The following KCNJ6 variants were observed in gnomAD, a reference collection of about 807,000 sequenced individuals.
The protein encoded by KCNJ6 is G protein-activated inward rectifier potassium channel 2.
A neutral mutation model predicts 34.2 loss-of-function variants in KCNJ6; 9 were observed. The observed-to-expected ratio is 0.26, with a 90% confidence interval of 0.16 to 0.46. KCNJ6 has a LOEUF of 0.46. KCNJ6 is among the 20% of genes least tolerant of loss of function. KCNJ6 has a pLI of 1.00. For synonymous variants in KCNJ6, 196 were observed against 207.1 expected (o/e 0.95, Z 0.46); for missense variants, 236 against 531.3 (o/e 0.44, Z 5.46).
intron 2 of KCNJ6, among the ~76,000 whole-genome samples, chr21:37,814,766 C>T (rs1023152716): frequency 2.6e-5 from 4 of 151,806 alleles, no homozygotes; most frequent in African/African-American, 7.3e-5. Flanking sequence ...GGCGTGGTGG[C>T]GGGCGCCTGT....
chr21:37,881,173 A>G (rs60618979), intron 1 of KCNJ6, among the ~76,000 whole-genome samples: 1,576 of 152,274 alleles, frequency 0.01, 20 homozygotes, highest in African/African-American at 0.029. Context: ...AGCCTAGCAC[A>G]AGCTGGGATG....
chr21:37,802,836 C>T (rs907257927), intron 2 of KCNJ6, among the ~76,000 whole-genome samples: 1 of 152,170 alleles, frequency 6.6e-6, no homozygotes. Context: ...TGCTTGGAAA[C>T]ACATCAGTGG....
chr21:37,756,275 C>G (rs1431552190), intron 2 of KCNJ6, among the ~76,000 whole-genome samples: 1 of 152,244 alleles, frequency 6.6e-6, no homozygotes, highest in African/African-American at 2.4e-5. Context: ...GATGACCATT[C>G]ATTCCATGTC....
Position 37,633,928 on chromosome 21 carries a change from C to CAA in KCNJ6, c.947-8446_947-8445dup, listed in dbSNP as rs56360366. 3.2e-3 allele frequency among the ~76,000 whole-genome samples: 477 copies of CAA among 149,784 alleles called. 2 individuals are homozygous for CAA. Among genetic ancestry groups the CAA allele is most frequent in the African/African-American group, 8.5e-3 (348 of 40,980 alleles). On this transcript the variant is annotated intron_variant, in intron 3 of 3. Coordinates refer to ENST00000609713, the MANE Select transcript of KCNJ6 (RefSeq NM_002240.5). ...AATCCCAACAAAACATTCTTAAAGT[C>CAA]AAAAAAAAAATGGATTTGACAAATC...
intron 3 of KCNJ6, among the ~76,000 whole-genome samples, chr21:37,705,377 T>C (rs1401082942): frequency 6.6e-6 from 1 of 152,214 alleles, no homozygotes; most frequent in African/African-American, 2.4e-5. Flanking sequence ...TCCTCATTTG[T>C]TAAATGGGAA....
At chr21:37,850,967 T>C (rs2055534516) in intron 1 of KCNJ6, among the ~76,000 whole-genome samples, 1 of 152,212 alleles carries the variant, frequency 6.6e-6, no homozygotes, top group Non-Finnish European at 1.5e-5. Context: ...AATTGATTGA[T>C]TGATTCATTC....
chr21:37,667,186 T>TAAAAAA (rs1569441641), intron 3 of KCNJ6, among the ~76,000 whole-genome samples: 59 of 86,842 alleles, frequency 6.8e-4, no homozygotes, highest in East Asian at 1.2e-3. Flanking sequence ...AAAAAAAAAT[T>TAAAAAA]AAATGAGGCA....
At chr21:37,673,321 G>T (rs955840765) in intron 3 of KCNJ6, among the ~76,000 whole-genome samples, 1 of 152,244 alleles carries the variant, frequency 6.6e-6, no homozygotes, top group African/African-American at 2.4e-5. Context: ...TTACTGGGAG[G>T]CTTCCATCTC....
intron 2 of KCNJ6, among the ~76,000 whole-genome samples, chr21:37,787,156 AG>A (rs754750647): frequency 6.6e-6 from 1 of 152,210 alleles, no homozygotes; most frequent in Non-Finnish European, 1.5e-5. Flanking sequence ...ACAAATGAGC[AG>A]GGGGTTAGAA....
intron 2 of KCNJ6, among the ~76,000 whole-genome samples, chr21:37,756,127 G>A (rs2055023436): frequency 6.6e-6 from 1 of 152,214 alleles, no homozygotes; most frequent in Non-Finnish European, 1.5e-5. Context: ...TGGCACAAGG[G>A]TTGTGTGGGA....
At chr21:37,761,644 T>C (rs2055064995) in intron 2 of KCNJ6, among the ~76,000 whole-genome samples, 2 of 151,250 alleles carry the variant, frequency 1.3e-5, no homozygotes, top group Non-Finnish European at 2.9e-5. Flanking sequence ...TTGTGTTGTG[T>C]GTGTATATTT....
In KCNJ6 at chr21:37,695,288, T is replaced by C. The variant is rs1050897672; in HGVS notation, c.946+18923A>G. 6.6e-6 allele frequency among the ~76,000 whole-genome samples: 1 copy of C among 152,230 alleles called. No individual in the cohort carries two copies. The highest frequency in any genetic ancestry group is 6.5e-5 in the Admixed American group (1 of 15,274). ...CATCCCATAAAAGGAAATCAATGGC[T>C]AAGCAAAAGTCCAACTATTCTTAGT... On this transcript the variant is annotated intron_variant, in intron 3 of 3. Coordinates refer to ENST00000609713, the MANE Select transcript of KCNJ6 (RefSeq NM_002240.5). The surrounding 1 kb of genome is among the most constrained non-coding windows in gnomAD (Gnocchi z 4.2).
intron 1 of KCNJ6, among the ~76,000 whole-genome samples, chr21:37,865,238 T>C (rs952311583): frequency 1.3e-5 from 2 of 152,234 alleles, no homozygotes; most frequent in African/African-American, 4.8e-5. Context: ...GAAAGAGCTG[T>C]ATTTTTAACG....
intron 1 of KCNJ6, among the ~76,000 whole-genome samples, chr21:37,889,498 G>A (rs920130540): frequency 3.3e-5 from 5 of 152,152 alleles, no homozygotes; most frequent in Non-Finnish European, 7.4e-5. Flanking sequence ...GCCCAGGGCC[G>A]GCTGACCCTG....
At chr21:37,697,387 TG>T (rs2054668460) in intron 3 of KCNJ6, among the ~76,000 whole-genome samples, 1 of 152,002 alleles carries the variant, frequency 6.6e-6, no homozygotes, top group South Asian at 2.1e-4. Context: ...CCATAGAAAG[TG>T]GGGTGGGAAA....
In KCNJ6 at chr21:37,615,019, A is replaced by G. The variant is rs932963440; in HGVS notation, c.*10140T>C. 2 of 152,210 alleles carry G rather than the reference A, an allele frequency of 1.3e-5. No homozygotes were observed. Among genetic ancestry groups the G allele is most frequent in the African/African-American group, 2.4e-5 (1 of 41,444 alleles). 9.4% of individuals were successfully genotyped at this position (152,210 alleles called of 1,614,324 possible). The stretch of plus-strand genomic sequence containing the variant: ...ATGTTTTGTTGATGCCTGTTGTCAC[A>G]GAATTAGAAAATACACAGAAGAAAT... On this transcript the variant is annotated 3_prime_UTR_variant, in exon 4 of 4. Coordinates refer to ENST00000609713, the MANE Select transcript of KCNJ6 (RefSeq NM_002240.5).
intron 2 of KCNJ6, among the ~76,000 whole-genome samples, chr21:37,780,064 C>T (rs566890575): frequency 5.3e-5 from 8 of 152,002 alleles, no homozygotes; most frequent in African/African-American, 1.7e-4. Context: ...GGAGAGAAAG[C>T]GTGGATAAGA....
At chr21:37,778,355 C>T (rs1253948627) in intron 2 of KCNJ6, among the ~76,000 whole-genome samples, 1 of 152,126 alleles carries the variant, frequency 6.6e-6, no homozygotes, top group African/African-American at 2.4e-5. Flanking sequence ...AACTAGCTCT[C>T]CAAACATAAC....
rs576156354 is a variant in KCNJ6, at chr21:37,823,095, G to A, written c.25+17563C>T. 8.0e-4 allele frequency among the ~76,000 whole-genome samples: 121 copies of A among 152,184 alleles called. 1 individual carries two copies. Among genetic ancestry groups the A allele is most frequent in the Non-Finnish European group, 1.3e-3 (91 of 67,986 alleles). On this transcript the variant is annotated intron_variant, in intron 2 of 3. Coordinates refer to ENST00000609713, the MANE Select transcript of KCNJ6 (RefSeq NM_002240.5). ...ACCTGTGTCACCCTCCCCTAAACCC[G>A]AGCAGCACAGCATGGAGAGAGATGG... is the stretch of plus-strand genomic sequence containing the variant.
Sources: allele counts gnomAD v4.1 joint callset (sites outside exome capture counted in the v4.1 genomes callset), GRCh38; gene constraint gnomAD v4.1.1; non-coding constraint Gnocchi (gnomAD v3.1); transcripts MANE v1.5; gene names NCBI Gene and HGNC (gene_info 2026-07-23, HGNC 2026-07-21).